CSMD1: variants seen among roughly 807,000 people sequenced by gnomAD.
CSMD1 encodes CUB and Sushi multiple domains 1, also known as CUB and sushi domain-containing protein 1.
Under a neutral mutation model 417.5 loss-of-function variants are expected in CSMD1, and 213 were observed. The observed-to-expected ratio is 0.51, with a 90% CI of 0.46 to 0.57. The LOEUF is 0.57. CSMD1 is among the 20% of genes least tolerant of loss of function. The pLI is 0.00. For missense variants in CSMD1, 6,923 were observed against 4,529.7 expected (o/e 1.53, Z -15.17); for synonymous variants, 2,862 against 1,736.8 (o/e 1.65, Z -16.11).
At chr8:4,053,589 T>C (rs1798544076) in intron 3 of CSMD1, among the ~76,000 whole-genome samples, 2 of 152,184 alleles carry the variant, frequency 1.3e-5, no homozygotes, top group African/African-American at 2.4e-5. Flanking sequence ...CTCCTGCTCT[T>C]AGCAACCTCT....
chr8:4,937,851 G>A (rs566888988), intron 1 of CSMD1, among the ~76,000 whole-genome samples: 6 of 152,060 alleles, frequency 3.9e-5, no homozygotes, highest in African/African-American at 9.6e-5. Context: ...ATCTACATTC[G>A]AAGCTAAAAA....
At chr8:3,256,961 G>A (rs951320472) in intron 26 of CSMD1, among the ~76,000 whole-genome samples, 3 of 152,160 alleles carry the variant, frequency 2.0e-5, no homozygotes, top group Non-Finnish European at 4.4e-5. Flanking sequence ...AGTAAATTGA[G>A]AAGAGAAAAT....
Position 4,188,913 on chromosome 8 carries a change from G to C in CSMD1, c.416-156814C>G, listed in dbSNP as rs76531650. ...TGATGAAACACACGGGGTTGGCATA[G>C]CTGCTGGGTTTCTCCCTCCATGGTT... On this transcript the variant is annotated intron_variant, in intron 3 of 69. Coordinates refer to ENST00000635120, the MANE Select transcript of CSMD1 (RefSeq NM_033225.6). 5.8e-3 allele frequency among the ~76,000 whole-genome samples: 885 copies of C among 152,174 alleles called. 11 individuals are homozygous for C. Among genetic ancestry groups the C allele is most frequent in the African/African-American group, 0.02 (825 of 41,516 alleles).
chr8:3,072,073 T>C (rs1429380407), intron 49 of CSMD1, among the ~76,000 whole-genome samples: 2 of 152,218 alleles, frequency 1.3e-5, no homozygotes, highest in African/African-American at 4.8e-5. Flanking sequence ...AGTTATTTTT[T>C]AGAAGAAAAT....
chr8:3,671,547 TCATATATATGATC>T lies in CSMD1; in HGVS notation c.1009+36854_1009+36866del, dbSNP rs1799055174. Among the ~76,000 whole-genome samples the T allele has an allele frequency of 2.9e-3, 12 of 4,078 alleles. 2 individuals carry two copies. Among genetic ancestry groups the T allele is most frequent in the African/African-American group, 6.0e-3 (5 of 830 alleles). 2.7% of individuals were successfully genotyped at this position (4,078 alleles called of 152,430 possible). ...TATGATCATATATATATATATATGA[TCATATATATGATC>T]ATATATATATATATATATATATATA... On this transcript the variant is annotated intron_variant, in intron 7 of 69. Coordinates refer to ENST00000635120, the MANE Select transcript of CSMD1 (RefSeq NM_033225.6).
chr8:3,552,021 C>G (rs541143510), intron 10 of CSMD1, among the ~76,000 whole-genome samples: 4 of 152,204 alleles, frequency 2.6e-5, no homozygotes, highest in African/African-American at 9.6e-5. Flanking sequence ...AGTTTCATAG[C>G]AAATGTTTAA....
At chr8:3,082,132 T>C (rs1037839) in intron 49 of CSMD1, among the ~76,000 whole-genome samples, 12 of 152,218 alleles carry the variant, frequency 7.9e-5, no homozygotes, top group Non-Finnish European at 1.5e-4. Context: ...AAAACTTGTT[T>C]CTCACTGTAT....
In CSMD1 at chr8:4,115,952, G is replaced by C. The variant is rs546375106; in HGVS notation, c.416-83853C>G. ...GGGAGAAGTAAACACCAAGAAAACA[G>C]GGTTTTCATTATTTTATTTATTTAT... is the stretch of plus-strand genomic sequence containing the variant. On this transcript the variant is annotated intron_variant, in intron 3 of 69. Transcript: ENST00000635120. 3.3e-5 allele frequency among the ~76,000 whole-genome samples: 5 copies of C among 150,712 alleles called. No homozygotes were observed. The East Asian group carries it at 5.8e-4, about 18-fold the overall frequency.
At chr8:4,642,696 G>A (rs1803271726) in intron 1 of CSMD1, among the ~76,000 whole-genome samples, 1 of 152,198 alleles carries the variant, frequency 6.6e-6, no homozygotes, top group Admixed American at 6.5e-5. Context: ...TTTAATTCGT[G>A]CACAGCCTTT....
chr8:4,229,059 C>G (rs1002072187), intron 3 of CSMD1, among the ~76,000 whole-genome samples: 8 of 152,196 alleles, frequency 5.3e-5, no homozygotes, highest in African/African-American at 1.7e-4. Flanking sequence ...GGATATCAGA[C>G]TAAGCTTTCC....
intron 1 of CSMD1, among the ~76,000 whole-genome samples, chr8:4,664,405 C>A (rs961607525): frequency 6.6e-6 from 1 of 151,892 alleles, no homozygotes; most frequent in Admixed American, 6.6e-5. Flanking sequence ...ACAGTAGAAA[C>A]GAAAATTGAA....
At chr8:3,919,759 C>A (rs190591122) in intron 5 of CSMD1, among the ~76,000 whole-genome samples, 3 of 152,118 alleles carry the variant, frequency 2.0e-5, no homozygotes, top group African/African-American at 7.2e-5. Flanking sequence ...TTATTCCAAT[C>A]CAGGAACACA....
At chr8:3,671,041 A>ATATATG (rs1274629998) in intron 7 of CSMD1, among the ~76,000 whole-genome samples, 3 of 111,918 alleles carry the variant, frequency 2.7e-5, no homozygotes, top group Non-Finnish European at 6.5e-5. Flanking sequence ...CATATGGGAT[A>ATATATG]TATATGTATA....
At chr8:4,367,061 T>C (rs991809635) in intron 3 of CSMD1, among the ~76,000 whole-genome samples, 3 of 152,236 alleles carry the variant, frequency 2.0e-5, no homozygotes, top group East Asian at 3.8e-4. Context: ...AGGTCCCACT[T>C]GTCAATTTTT....
At chr8:4,115,806 A>G (rs1802103844) in intron 3 of CSMD1, among the ~76,000 whole-genome samples, 1 of 151,884 alleles carries the variant, frequency 6.6e-6, no homozygotes, top group Non-Finnish European at 1.5e-5. Flanking sequence ...TGTAAATCAT[A>G]TTTCTCAGTA....
chr8:4,862,948 A>T (rs1802223393), intron 1 of CSMD1, among the ~76,000 whole-genome samples: 1 of 151,928 alleles, frequency 6.6e-6, no homozygotes, highest in South Asian at 2.1e-4. Flanking sequence ...AAGAGAGATA[A>T]TGGCCACAAA....
intron 1 of CSMD1, among the ~76,000 whole-genome samples, chr8:4,733,529 T>A (rs190709423): frequency 6.6e-6 from 1 of 152,212 alleles, no homozygotes; most frequent in Non-Finnish European, 1.5e-5. Flanking sequence ...ACAAGGAAGA[T>A]AGATAGTGCA....
chr8:3,095,740 C>T (rs1160749958), intron 47 of CSMD1, among the ~76,000 whole-genome samples: 1 of 152,092 alleles, frequency 6.6e-6, no homozygotes, highest in African/African-American at 2.4e-5. Context: ...TATGTACAGC[C>T]ATAATTGTAA....
intron 12 of CSMD1, among the ~76,000 whole-genome samples, chr8:3,436,353 C>T (rs954941522): frequency 6.6e-6 from 1 of 152,142 alleles, no homozygotes; most frequent in South Asian, 2.1e-4. Flanking sequence ...TTATATATTA[C>T]TATTATTGTT....
Sources: gnomAD v4.1 joint callset for allele counts (sites outside exome capture counted in the v4.1 genomes callset) on GRCh38, gnomAD v4.1.1 for gene constraint, MANE v1.5 for transcripts, NCBI Gene and HGNC (gene_info 2026-07-23, HGNC 2026-07-21) for gene names.